The following SPIDR variants were observed in gnomAD, a reference collection of about 807,000 sequenced individuals.
The protein encoded by SPIDR is DNA repair-scaffolding protein.
SPIDR carries 93 observed loss-of-function variants against 104.6 expected under a neutral mutation model. The observed-to-expected ratio is 0.89, with a 90% confidence interval of 0.75 to 1.06. The LOEUF is 1.06. Ranked by LOEUF, SPIDR falls within the 50% of genes least tolerant of loss-of-function variation. SPIDR has a pLI of 0.00. For missense variants in SPIDR, 1,154 were observed against 1,111.2 expected, an observed-to-expected ratio of 1.04 and a Z score of -0.55; for synonymous variants, 431 against 416.9, an observed-to-expected ratio of 1.03 and a Z score of -0.41.
chr8:47,321,075 T>C (rs2046473898), intron 5 of SPIDR, among the ~76,000 whole-genome samples: 1 of 152,122 alleles, frequency 6.6e-6, no homozygotes, highest in South Asian at 2.1e-4. Context: ...TTCAACATGG[T>C]GTTGGAAGTT....
At chr8:47,295,990 G>C (rs1298349920) in intron 5 of SPIDR, among the ~76,000 whole-genome samples, 1 of 152,154 alleles carries the variant, frequency 6.6e-6, no homozygotes, top group Non-Finnish European at 1.5e-5. Context: ...ACAGGTGTGA[G>C]GTGATCCCTC....
chr8:47,713,728 T>C, intron 16 of SPIDR, 87 bp downstream of exon 16: 3 of 1,532,828 alleles, frequency 2.0e-6, no homozygotes, highest in Non-Finnish European at 2.6e-6. Flanking sequence ...CAACAAGTAT[T>C]TGTGGAGCAC....
chr8:47,735,625 C>T lies in SPIDR; in HGVS notation c.*175C>T, dbSNP rs2086174115. On this transcript the variant is annotated 3_prime_UTR_variant, in exon 20 of 20. Coordinates refer to ENST00000297423, the MANE Select transcript of SPIDR (RefSeq NM_001080394.4). ...AGATACAGTTTTGTGAACTGTAAATCAAAATACCTTTTTCTACAGTTTATC... is the reference window on the plus strand; with the variant it reads ...AGATACAGTTTTGTGAACTGTAAATTAAAATACCTTTTTCTACAGTTTATC... 1.6e-5 allele frequency: 20 copies of T among 1,248,880 alleles called. No homozygotes were observed. Among genetic ancestry groups the T allele is most frequent in the Non-Finnish European group, 2.2e-5 (20 of 923,408 alleles). 77.4% of individuals were successfully genotyped at this position (1,248,880 alleles called of 1,614,324 possible). A position where few individuals can be genotyped will look rare whatever the true frequency, so the allele number is the denominator to read the frequency against.
chr8:47,653,578 A>T (rs1371976763), intron 10 of SPIDR, among the ~76,000 whole-genome samples: 1 of 152,090 alleles, frequency 6.6e-6, no homozygotes, highest in Non-Finnish European at 1.5e-5. Flanking sequence ...CTTTGTAGCA[A>T]TATATGTTTT....
chr8:47,405,330 G>A (rs112505828), intron 6 of SPIDR, among the ~76,000 whole-genome samples: 2 of 140,794 alleles, frequency 1.4e-5, no homozygotes, highest in East Asian at 4.1e-4. Context: ...GTGTATATAT[G>A]TGTGTGTGTA....
chr8:47,730,702 C>T (rs188677361), intron 19 of SPIDR, among the ~76,000 whole-genome samples: 3 of 152,268 alleles, frequency 2.0e-5, no homozygotes, highest in Admixed American at 2.0e-4. Flanking sequence ...CTGCCTCAGC[C>T]TCCCAAGTAT....
rs1044789393 is a variant in SPIDR at position 47,731,048 on chromosome 8, A to G, written c.2604+1583A>G. Among the ~76,000 whole-genome samples the G allele has an allele frequency of 7.9e-5, 12 of 152,084 alleles. 1 individual carries two copies. The highest frequency in any genetic ancestry group is 7.9e-4 in the Admixed American group (12 of 15,284). ...CGAGGCGGGCGGATCACCTGAGGTC[A>G]GGAGTTCGAGACCAGCCTGGCCAAC... On this transcript the variant is annotated intron_variant, in intron 19 of 19. Coordinates refer to ENST00000297423, the MANE Select transcript of SPIDR (RefSeq NM_001080394.4).
chr8:47,426,727 A>C (rs1440591720), intron 7 of SPIDR, among the ~76,000 whole-genome samples: 1 of 152,246 alleles, frequency 6.6e-6, no homozygotes, highest in Non-Finnish European at 1.5e-5. Flanking sequence ...CCAGAAGGGA[A>C]AAGAAGTGTG....
intron 8 of SPIDR, among the ~76,000 whole-genome samples, chr8:47,462,600 TA>T (rs2074126484): frequency 1.3e-5 from 2 of 152,206 alleles, no homozygotes; most frequent in Admixed American, 1.3e-4. Context: ...TTTATGGATG[TA>T]AGTACATATA....
At chr8:47,386,878 G>A (rs1301486659) in intron 5 of SPIDR, among the ~76,000 whole-genome samples, 2 of 80,960 alleles carry the variant, frequency 2.5e-5, no homozygotes, top group East Asian at 8.5e-4. Context: ...GGGACGAGGG[G>A]AGAGAGAGAG....
chr8:47,277,716 C>T (rs1029186721), intron 1 of SPIDR, among the ~76,000 whole-genome samples: 2 of 148,638 alleles, frequency 1.3e-5, no homozygotes, highest in Admixed American at 6.8e-5. Context: ...CCTTGTTGCC[C>T]AGGCTGGAGT....
At chr8:47,660,834 T>G in intron 10 of SPIDR, 1 of 431,606 alleles carries the variant, frequency 2.3e-6, no homozygotes, top group Non-Finnish European at 3.1e-6. Context: ...GCTTCAGGAC[T>G]TAGGAGAGCT....
intron 6 of SPIDR, 104 bp from the exon 7 acceptor site, chr8:47,407,757 T>A: frequency 1.8e-6 from 1 of 560,080 alleles, no homozygotes; most frequent in Non-Finnish European, 3.0e-6. Flanking sequence ...ATTTTGCATG[T>A]TTTATCTGTT....
chr8:47,455,230 TA>T (rs1394514146), intron 8 of SPIDR, among the ~76,000 whole-genome samples: 1 of 152,052 alleles, frequency 6.6e-6, no homozygotes, highest in Non-Finnish European at 1.5e-5. Flanking sequence ...ACAATCAGAA[TA>T]AAAAGGGAGG....
chr8:47,363,621 C>T (rs1437476171), intron 5 of SPIDR, among the ~76,000 whole-genome samples: 1 of 151,952 alleles, frequency 6.6e-6, no homozygotes, highest in Non-Finnish European at 1.5e-5. Context: ...TGGATAGCTA[C>T]TTTCCACAAT....
At chr8:47,425,499 G>A (rs144220476) in intron 7 of SPIDR, among the ~76,000 whole-genome samples, 2,066 of 152,298 alleles carry the variant, frequency 0.014, 25 homozygotes, top group Non-Finnish European at 0.019. Flanking sequence ...CATATTTACA[G>A]TGGGTAAATA....
At chr8:47,638,276 A>C (rs1238035765) in intron 10 of SPIDR, among the ~76,000 whole-genome samples, 1 of 152,138 alleles carries the variant, frequency 6.6e-6, no homozygotes, top group East Asian at 1.9e-4. Flanking sequence ...AGATACCAAG[A>C]GGTACAAGAA....
intron 7 of SPIDR, among the ~76,000 whole-genome samples, chr8:47,416,547 T>C (rs2064323761): frequency 6.6e-6 from 1 of 152,160 alleles, no homozygotes; most frequent in African/African-American, 2.4e-5. Flanking sequence ...TGATCAAGAT[T>C]GCGATTGTCA....
At chr8:47,370,135 C>G (rs1026860054) in intron 5 of SPIDR, among the ~76,000 whole-genome samples, 1 of 152,122 alleles carries the variant, frequency 6.6e-6, no homozygotes, top group African/African-American at 2.4e-5. Flanking sequence ...AGTAATTAAC[C>G]TATGAAGTGA....
Sources: allele counts gnomAD v4.1 joint callset (sites outside exome capture counted in the v4.1 genomes callset), GRCh38; gene constraint gnomAD v4.1.1; transcripts MANE v1.5; gene names NCBI Gene and HGNC (gene_info 2026-07-23, HGNC 2026-07-21).